The following PDZD8 variants were observed in gnomAD, a reference collection of about 807,000 sequenced individuals.
PDZD8 encodes the protein PDZ domain-containing protein 8.
Under a neutral mutation model 85.8 loss-of-function variants are expected in PDZD8, and 14 were observed. That is an observed-to-expected ratio of 0.16 (90% CI 0.11 to 0.26). The LOEUF (loss-of-function observed/expected upper bound fraction) is 0.26. PDZD8 is among the 10% of genes least tolerant of loss of function. The probability of loss-of-function intolerance (pLI) is 1.00; values close to 1 mark genes in which losing one functional copy is unlikely to be tolerated. For synonymous variants in PDZD8, 592 were observed against 568.6 expected (o/e 1.04, Z -0.59); for missense variants, 1,197 against 1,424.3 (o/e 0.84, Z 2.57).
intron 1 of PDZD8, among the ~76,000 whole-genome samples, chr10:117,353,896 C>T (rs1169052161): frequency 6.6e-6 from 1 of 152,144 alleles, no homozygotes; most frequent in East Asian, 1.9e-4. Context: ...CTTTCTCTAA[C>T]TTCCCTGAGC....
At chr10:117,367,830 G>C (rs1178023414) in intron 1 of PDZD8, among the ~76,000 whole-genome samples, 1 of 151,984 alleles carries the variant, frequency 6.6e-6, no homozygotes, top group Non-Finnish European at 1.5e-5. Context: ...TGAGGCAGGA[G>C]AACTGCTTGA....
chr10:117,292,246 G>A (rs2133767483), intron 3 of PDZD8, among the ~76,000 whole-genome samples: 1 of 152,144 alleles, frequency 6.6e-6, no homozygotes, highest in African/African-American at 2.4e-5. Flanking sequence ...TTACCTAAAG[G>A]TTTACAAAAC....
At position 117,277,578 on chromosome 10, in the gene PDZD8, A is replaced by C. The variant is rs1021433915; in HGVS notation, c.*5690T>G. 1.2e-5 allele frequency: 2 copies of C among 164,054 alleles called. No homozygotes were observed. The highest frequency in any genetic ancestry group is 4.8e-5 in the African/African-American group (2 of 41,964). The allele number at this position is 164,054 out of a possible 1,614,324, so 10.2% of individuals were successfully genotyped here. ...ATAAATATTTGAATCCAAACCAAATATAATTTTTTAACTTACATTAACAAA... is the reference window on the plus strand; with the variant it reads ...ATAAATATTTGAATCCAAACCAAATCTAATTTTTTAACTTACATTAACAAA... On this transcript the variant is annotated 3_prime_UTR_variant, in exon 5 of 5. Coordinates refer to ENST00000334464, the MANE Select transcript of PDZD8 (RefSeq NM_173791.5).
Position 117,280,125 on chromosome 10 carries a change from C to CT in PDZD8, c.*3142_*3143insA, listed in dbSNP as rs1844557388. ...TTCTCCTCCCAGCATCACAAAATAG[C>CT]CACTTATTTCAAGTACTTCTGATAT... On this transcript the variant is annotated 3_prime_UTR_variant, in exon 5 of 5. Transcript: ENST00000334464. The CT allele has an allele frequency of 6.6e-6, 1 of 152,066 alleles. No individual in the cohort carries two copies. Among genetic ancestry groups the CT allele is most frequent in the Non-Finnish European group, 1.5e-5 (1 of 68,014 alleles). The allele number at this position is 152,066 out of a possible 1,614,324, so 9.4% of individuals were successfully genotyped here. A position where few individuals can be genotyped will look rare whatever the true frequency, so the allele number is the denominator to read the frequency against.
intron 2 of PDZD8, among the ~76,000 whole-genome samples, chr10:117,338,220 ATGAGT>A (rs767171875): frequency 2.0e-5 from 3 of 152,198 alleles, no homozygotes; most frequent in Non-Finnish European, 2.9e-5. Context: ...AAAAGCAGGA[ATGAGT>A]TGAGACTTAC....
chr10:117,334,028 G>A (rs1844474318), intron 2 of PDZD8, among the ~76,000 whole-genome samples: 1 of 152,098 alleles, frequency 6.6e-6, no homozygotes, highest in African/African-American at 2.4e-5. Context: ...ACAAAATGAG[G>A]TGGCCAATAC....
chr10:117,291,929 A>AT (rs1844774369), intron 3 of PDZD8, among the ~76,000 whole-genome samples: 1 of 151,970 alleles, frequency 6.6e-6, no homozygotes, highest in Admixed American at 6.6e-5. Context: ...ATGGCGCTCA[A>AT]TTACAAATCA....
Position 117,375,015 on chromosome 10 carries a change from T to G in PDZD8, c.213A>C (p.Gly71=). Reference sequence around the variant, plus strand: ...GGGTCGCGCCGCCCTCAGGGGCCGCTCCGGAGGGCTCCTCATCCCGGCCGC... The same window carrying G: ...GGGTCGCGCCGCCCTCAGGGGCCGCGCCGGAGGGCTCCTCATCCCGGCCGC... ...YGGGRDEEPS[G]AAPEGGATPT... is the part of the protein sequence containing the mutation. Residue 71 remains glycine, a synonymous_variant, in exon 1 of 5, where the codon GGA becomes GGC. Transcript: ENST00000334464. 6.3e-7 allele frequency: 1 copy of G among 1,585,638 alleles called. No individual in the cohort carries two copies. Among genetic ancestry groups the G allele is most frequent in the East Asian group, 2.3e-5 (1 of 43,380 alleles).
In PDZD8 at chr10:117,374,965, G is replaced by A. The variant is rs1347967580; in HGVS notation, c.263C>T (p.Ala88Val). The A allele has an allele frequency of 6.2e-7, 1 of 1,608,310 alleles. No homozygotes were observed. The highest frequency in any genetic ancestry group is 1.1e-5 in the South Asian group (1 of 90,724). Residue 88 changes from alanine to valine, a missense_variant, in exon 1 of 5, where the codon GCC becomes GTC. By Grantham distance (64) the Ala-to-Val change is moderately conservative. This residue lies in a region of PDZD8 where 172 missense variants were observed against 137.8 expected (regional missense o/e 1.25). Transcript: ENST00000334464. The surrounding 1 kb of genome is among the most constrained non-coding windows in gnomAD (Gnocchi z 7.8). ...GTAGCAAGTCTCCCGCGTCGGCGGG[G>A]CGGGGGTCTCGGGGGCCGCGGTGGG... ...ATPTAAPETP[A>V]PPTRETCYFL...
intron 3 of PDZD8, among the ~76,000 whole-genome samples, chr10:117,316,648 C>T (rs1192879914): frequency 6.6e-6 from 1 of 152,174 alleles, no homozygotes; most frequent in Non-Finnish European, 1.5e-5. Flanking sequence ...CATGATTGTG[C>T]CACTGCACTC....
chr10:117,286,021 A>G (rs895378887), intron 4 of PDZD8, among the ~76,000 whole-genome samples: 1 of 152,218 alleles, frequency 6.6e-6, no homozygotes, highest in Non-Finnish European at 1.5e-5. Flanking sequence ...CTTTTTATCA[A>G]CCGTACCCAT....
chr10:117,374,706 G>C lies in PDZD8; in HGVS notation c.522C>G (p.Pro174=), dbSNP rs1442373474. 3.7e-6 allele frequency: 6 copies of C among 1,604,730 alleles called. No homozygotes were observed. The African/African-American group carries it at 6.7e-5, about 18-fold the overall frequency. ...RPVVPSATGE[P]DGPEGEALPA... ...GCAGCGCCTCCCCTTCAGGGCCATC[G>C]GGCTCCCCGGTGGCCGAGGGCACGA... Residue 174 remains proline (P), a synonymous_variant, in exon 1 of 5, where the codon CCC becomes CCG. Transcript: ENST00000334464. The surrounding 1 kb of genome is among the most constrained non-coding windows in gnomAD (Gnocchi z 7.8).
Position 117,337,048 on chromosome 10 carries a change from C to T in PDZD8, c.995+3932G>A, listed in dbSNP as rs146713586. On this transcript the variant is annotated intron_variant, in intron 2 of 4. Transcript: ENST00000334464. ...AGCTTGCAGTGAGCCGAGATCATGCCACTGCACTCCAGCCTGGGCCACAGA... is the reference window on the plus strand; with the variant it reads ...AGCTTGCAGTGAGCCGAGATCATGCTACTGCACTCCAGCCTGGGCCACAGA... 1.8e-3 allele frequency among the ~76,000 whole-genome samples: 268 copies of T among 151,548 alleles called. 5 individuals carry two copies. Among genetic ancestry groups the T allele is most frequent in the African/African-American group, 6.1e-3 (250 of 41,280 alleles).
intron 2 of PDZD8, among the ~76,000 whole-genome samples, chr10:117,326,823 C>T (rs1156390546): frequency 2.0e-5 from 3 of 152,140 alleles, no homozygotes; most frequent in Non-Finnish European, 4.4e-5. Flanking sequence ...CAGTTGCAGA[C>T]ACTTCTTGTT....
chr10:117,327,912 G>A (rs558351429), intron 2 of PDZD8, among the ~76,000 whole-genome samples: 2 of 152,168 alleles, frequency 1.3e-5, no homozygotes, highest in African/African-American at 4.8e-5. Context: ...TATATATAAA[G>A]AACTGTAGCT....
intron 3 of PDZD8, among the ~76,000 whole-genome samples, chr10:117,291,327 A>G (rs1191073666): frequency 2.0e-5 from 3 of 151,792 alleles, no homozygotes; most frequent in South Asian, 2.1e-4. Flanking sequence ...TCAGGAGATT[A>G]AGACAATCCT....
In PDZD8 at chr10:117,352,366, G is replaced by C. The variant is rs2133865259; in HGVS notation, c.873-11264C>G. ...ATACGAGAAAACTTTGTGACAATTA[G>C]AGCTAGTGAAAAAAGGACATGGCTT... On this transcript the variant is annotated intron_variant, in intron 1 of 4. Transcript: ENST00000334464. Among the ~76,000 whole-genome samples, 2 of 152,238 alleles carry C rather than the reference G, an allele frequency of 1.3e-5. 1 individual carries two copies. The highest frequency in any genetic ancestry group is 3.9e-4 in the East Asian group (2 of 5,180).
rs568047034 is a variant in PDZD8, at chr10:117,283,080, CA to C, written c.*187del. On this transcript the variant is annotated 3_prime_UTR_variant, in exon 5 of 5. Transcript: ENST00000334464. ...AAAAAGCATAGCTATAAATGCAATC[CA>C]AAACAACCAATTAGTAAGCTGGTCA... The C allele has an allele frequency of 6.3e-5, 35 of 554,550 alleles. No individual in the cohort carries two copies. Among genetic ancestry groups the C allele is most frequent in the African/African-American group, 4.6e-4 (24 of 52,062 alleles). The allele number at this position is 554,550 out of a possible 1,614,324, so 34.4% of individuals were successfully genotyped here. A position where few individuals can be genotyped will look rare whatever the true frequency, so the allele number is the denominator to read the frequency against.
intron 1 of PDZD8, among the ~76,000 whole-genome samples, chr10:117,353,454 A>G (rs1168294252): frequency 6.6e-6 from 1 of 152,164 alleles, no homozygotes; most frequent in African/African-American, 2.4e-5. Context: ...AGATCAACGA[A>G]TCTCTCTCTG....
Sources: gnomAD v4.1 joint callset for allele counts (sites outside exome capture counted in the v4.1 genomes callset) on GRCh38, gnomAD v4.1.1 for gene constraint, gnomAD v4.1.1 regional missense constraint, Gnocchi (gnomAD v3.1) non-coding constraint, MANE v1.5 for transcripts, NCBI Gene and HGNC (gene_info 2026-07-23, HGNC 2026-07-21) for gene names.